The following NID2 variants were observed in gnomAD, a reference collection of about 807,000 sequenced individuals.
NID2 encodes the protein nidogen-2.
In NID2, 83 loss-of-function variants were observed where a neutral mutation model predicts 145.4. The ratio of observed to expected loss-of-function variants is 0.57; its 90% CI spans 0.48 to 0.69. The LOEUF (loss-of-function observed/expected upper bound fraction) is 0.69, where lower values mean the gene tolerates loss of function less well. Among genes scored for constraint, NID2 ranks in the 30% least tolerant of loss-of-function variants. The probability of loss-of-function intolerance (pLI) is 0.00; values close to 1 mark genes in which losing one functional copy is unlikely to be tolerated. For synonymous variants in NID2, 739 were observed against 701.3 expected (o/e 1.05, Z -0.85); for missense variants, 1,807 against 1,765.7 (o/e 1.02, Z -0.42).
chr14:52,040,417 T>C (rs895826472), intron 8 of NID2, among the ~76,000 whole-genome samples: 1 of 152,330 alleles, frequency 6.6e-6, no homozygotes, highest in East Asian at 1.9e-4. Flanking sequence ...TGCTATTGAT[T>C]TTATTATTTG....
At chr14:52,010,700 C>T (rs1182063924) in intron 18 of NID2, 176 bp downstream of exon 18, 10 of 590,214 alleles carry the variant, frequency 1.7e-5, no homozygotes, top group Non-Finnish European at 2.7e-5. Flanking sequence ...AAGAACAGAC[C>T]TTGTCTTTTC....
intron 19 of NID2, 196 bp downstream of exon 19, chr14:52,007,614 T>C (rs1410059313): frequency 1.7e-6 from 1 of 588,064 alleles, no homozygotes. Flanking sequence ...GCTTGATATA[T>C]CCTTCCCTCC....
In NID2 at chr14:52,033,480, G is replaced by C. The variant is rs538070473; in HGVS notation, c.2258-3790C>G. On this transcript the variant is annotated intron_variant, in intron 9 of 21. Coordinates refer to ENST00000216286, the MANE Select transcript of NID2 (RefSeq NM_007361.4). Reference sequence around the variant, plus strand: ...CAACTGGTGGGGGGTGGCACTGCTGGTTGAGAAGTCACCGAGGGACAGAGG... The same window carrying C: ...CAACTGGTGGGGGGTGGCACTGCTGCTTGAGAAGTCACCGAGGGACAGAGG... 3.1e-4 allele frequency among the ~76,000 whole-genome samples: 47 copies of C among 152,310 alleles called. 1 individual carries two copies. The highest frequency in any genetic ancestry group is 1.0e-3 in the African/African-American group (43 of 41,554).
intron 12 of NID2, among the ~76,000 whole-genome samples, chr14:52,022,974 G>A (rs1891456136): frequency 6.6e-6 from 1 of 152,084 alleles, no homozygotes; most frequent in Non-Finnish European, 1.5e-5. Context: ...CTGTTCAATT[G>A]GGCACCCTGC....
rs187926904 is a variant in NID2, at chr14:52,066,249, G to A, written c.534+1609C>T. On this transcript the variant is annotated intron_variant, in intron 2 of 21. Transcript: ENST00000216286. Reference sequence around the variant, plus strand: ...AAAGAGTCCTTATGCAACATAGAGAGTAACAGGATGGTTACCAGAGGCTGG... The same window carrying A: ...AAAGAGTCCTTATGCAACATAGAGAATAACAGGATGGTTACCAGAGGCTGG... Among the ~76,000 whole-genome samples, 609 of 151,452 alleles carry A rather than the reference G, an allele frequency of 4.0e-3. 5 individuals carry two copies. Among genetic ancestry groups the A allele is most frequent in the African/African-American group, 0.014 (572 of 40,998 alleles).
chr14:52,020,236 A>G, intron 12 of NID2, 58 bp from the exon 13 acceptor site: 1 of 1,605,274 alleles, frequency 6.2e-7, no homozygotes, highest in Non-Finnish European at 8.5e-7. Context: ...CACTCACACA[A>G]TCTGTGCGAC....
At chr14:52,034,828 C>T (rs1164218264) in intron 9 of NID2, among the ~76,000 whole-genome samples, 2 of 152,160 alleles carry the variant, frequency 1.3e-5, no homozygotes, top group Non-Finnish European at 1.5e-5. Context: ...GTGGCTCTTA[C>T]ATTCTAGGGG....
intron 8 of NID2, 45 bp downstream of exon 8, chr14:52,040,606 G>A (rs772650320): frequency 3.3e-6 from 5 of 1,517,912 alleles, no homozygotes; most frequent in Middle Eastern, 1.8e-4. Flanking sequence ...CTTGTGAGAT[G>A]GGCATAATCC....
intron 18 of NID2, 112 bp downstream of exon 18, chr14:52,010,764 T>C: frequency 9.9e-7 from 1 of 1,012,898 alleles, no homozygotes; most frequent in East Asian, 2.4e-5. Context: ...GTTACATGAA[T>C]GCATTTGAGC....
At chr14:52,029,464 C>G in intron 10 of NID2, 83 bp downstream of exon 10, 3 of 1,341,492 alleles carry the variant, frequency 2.2e-6, no homozygotes, top group South Asian at 1.4e-5. Context: ...GTGACAGATA[C>G]TTGTCTTCTA....
At chr14:52,061,436 G>A (rs982642995) in intron 2 of NID2, among the ~76,000 whole-genome samples, 3 of 152,188 alleles carry the variant, frequency 2.0e-5, no homozygotes, top group Admixed American at 6.5e-5. Context: ...GCTTGATGCT[G>A]AGGATGTGAA....
chr14:52,032,543 T>C (rs2516595), intron 9 of NID2, among the ~76,000 whole-genome samples: 142,408 of 152,190 alleles, frequency 0.94, 67,203 homozygotes, highest in Non-Finnish European at 1. Context: ...AGGTCATGTC[T>C]TCATCCATTA....
At chr14:52,026,613 A>T (rs919551398) in intron 12 of NID2, among the ~76,000 whole-genome samples, 1 of 152,272 alleles carries the variant, frequency 6.6e-6, no homozygotes, top group South Asian at 2.1e-4. Context: ...AGTTATGTCG[A>T]GCCTTTAAAT....
rs775917594 is a variant in NID2 at position 52,038,848 on chromosome 14, G to A, written c.2156C>T (p.Pro719Leu). The change falls in exon 9 of 22, where the codon CCC becomes CTC. Residue 719 changes from proline to leucine, a missense_variant. Transcript: ENST00000216286. ...CRHAPRHPSF[P>L]TTQQLNVDRV... ...GTCCACGTTCAGCTGCTGGGTGGTG[G>A]GGAAGGACGGGTGTCTGGGGGCGTG... 4.3e-5 allele frequency: 69 copies of A among 1,613,970 alleles called. 1 individual carries two copies. The highest frequency in any genetic ancestry group is 1.1e-5 in the South Asian group (1 of 91,054).
chr14:52,006,710 A>G (rs1566738071), intron 19 of NID2, 50 bp from the exon 20 acceptor site: 2 of 1,603,590 alleles, frequency 1.2e-6, no homozygotes. Flanking sequence ...TTTGCCAAAA[A>G]TGATAGTGAC....
At position 52,060,166 on chromosome 14, in the gene NID2, A is replaced by C. The variant is rs773297655; in HGVS notation, c.725T>G (p.Phe242Cys). ...ADDLKSEGPYFSLTSTEQSVK... is the reference protein window; with the variant it reads ...ADDLKSEGPYCSLTSTEQSVK... ...AGACTGTTCAGTGCTAGTCAAGCTG[A>C]AATATGGTCCTTCTGACTTCAGATC... The change falls in exon 3 of 22, where the codon TTC becomes TGC. Residue 242 changes from phenylalanine to cysteine, a missense_variant. Coordinates refer to ENST00000216286, the MANE Select transcript of NID2 (RefSeq NM_007361.4). 6.2e-7 allele frequency: 1 copy of C among 1,614,006 alleles called. No individual in the cohort carries two copies. Among genetic ancestry groups the C allele is most frequent in the Non-Finnish European group, 8.5e-7 (1 of 1,179,906 alleles).
intron 9 of NID2, among the ~76,000 whole-genome samples, chr14:52,035,228 A>G (rs964125056): frequency 1.3e-5 from 2 of 152,202 alleles, no homozygotes; most frequent in Non-Finnish European, 2.9e-5. Flanking sequence ...ATCATACAGA[A>G]TAGTTTCACT....
intron 9 of NID2, among the ~76,000 whole-genome samples, chr14:52,030,502 AGAAAGAAAG>A (rs1566755317): frequency 3.0e-5 from 1 of 33,174 alleles, no homozygotes; most frequent in Non-Finnish European, 8.4e-5. Context: ...AGAAAGAAAG[AGAAAGAAAG>A]AAAGAAAAGA....
chr14:52,028,763 C>T lies in NID2; in HGVS notation c.2489G>A (p.Arg830Gln), dbSNP rs7144523. The change falls in exon 11 of 22, where the codon CGG becomes CAG. Residue 830 changes from arginine to glutamine, a missense_variant. Arg to Gln is a conservative substitution (Grantham distance 43). Transcript: ENST00000216286. ...NLPGSYRCEC[R>Q]SGYEFADDRH... ...GTCATCTGCAAACTCATAACCACTC[C>T]GGCACTCACACCTGTAGCTTCCAGG... The T allele has an allele frequency of 5.9e-3, 9,500 of 1,613,978 alleles. 100 individuals are homozygous for T. Among genetic ancestry groups the T allele is most frequent in the Middle Eastern group, 0.045 (273 of 6,062 alleles).
Sources: allele counts gnomAD v4.1 joint callset (sites outside exome capture counted in the v4.1 genomes callset), GRCh38; gene constraint gnomAD v4.1.1; transcripts MANE v1.5; gene names NCBI Gene and HGNC (gene_info 2026-07-23, HGNC 2026-07-21).